The following GGT5 variants were observed in gnomAD, a reference collection of about 807,000 sequenced individuals.
GGT5 encodes gamma-glutamyltransferase 5.
GGT5 carries 50 observed loss-of-function variants against 58.1 expected under a neutral mutation model. The observed-to-expected ratio is 0.86, with a 90% CI of 0.69 to 1.09. The LOEUF is 1.09. Among genes scored for constraint, GGT5 ranks in the 50% least tolerant of loss-of-function variants. GGT5 has a pLI of 0.00. For missense variants in GGT5, 800 were observed against 789.4 expected, an observed-to-expected ratio of 1.01 and a Z score of -0.16; for synonymous variants, 370 against 346.1, an observed-to-expected ratio of 1.07 and a Z score of -0.77.
chr22:24,239,105 C>T (rs1222078449), intron 1 of GGT5, among the ~76,000 whole-genome samples: 5 of 144,966 alleles, frequency 3.4e-5, no homozygotes, highest in Non-Finnish European at 7.5e-5. Context: ...TTTGGGAGGC[C>T]GAGGCGGGTG....
In GGT5 at chr22:24,225,543, C is replaced by T; in HGVS notation, c.1336+3G>A. 6.2e-7 allele frequency: 1 copy of T among 1,607,182 alleles called. No individual in the cohort carries two copies. On this transcript the variant is annotated splice_donor_region_variant and intron_variant, in intron 9 of 11. Coordinates refer to ENST00000327365, the MANE Select transcript of GGT5 (RefSeq NM_004121.5). ...GACCCCGGGTGGGAAGCTTTGTTCTCACCAGGTGAGGGGGTGGTGCCGGAA... is the reference window on the plus strand; with the variant it reads ...GACCCCGGGTGGGAAGCTTTGTTCTTACCAGGTGAGGGGGTGGTGCCGGAA...
rs562315574 is a variant in GGT5, at chr22:24,225,984, C to T, written c.1229+92G>A. Reference sequence around the variant, plus strand: ...AAAGGGCAAAAGCAAGGTGCTGCCCCGTGGGGACAAGTGAGGGGACATGGG... The same window carrying T: ...AAAGGGCAAAAGCAAGGTGCTGCCCTGTGGGGACAAGTGAGGGGACATGGG... On this transcript the variant is annotated intron_variant, in intron 8 of 11. Transcript: ENST00000327365. 6.5e-5 allele frequency: 59 copies of T among 905,726 alleles called. No homozygotes were observed. In the African/African-American group the frequency reaches 7.2e-4, roughly 11 times the overall value. 56.1% of individuals were successfully genotyped at this position (905,726 alleles called of 1,614,324 possible).
chr22:24,220,054 G>T lies in GGT5; in HGVS notation c.1677C>A (p.Asn559Lys). 6.2e-7 allele frequency: 1 copy of T among 1,614,112 alleles called. No individual in the cohort carries two copies. The highest frequency in any genetic ancestry group is 1.1e-5 in the South Asian group (1 of 91,076). The change falls in exon 12 of 12, where the codon AAC (asparagine) becomes AAA (lysine). Residue 559 changes from asparagine (N) to lysine (K), a missense_variant. Transcript: ENST00000327365. ...CCTCCTGGGACACAGCCTGGACCAC[G>T]TTCAGGAAGAAGGGCCTCTGGGTCT... ...QNQTQRPFFL[N>K]VVQAVSQEGA...
rs546884987 is a variant in GGT5, at chr22:24,237,263, G to C, written c.174-3259C>G. On this transcript the variant is annotated intron_variant, in intron 1 of 11. Transcript: ENST00000327365. ...GGGGATGCCATAATGCCCCACACGT[G>C]GGGTGCAGGTTTCTTACTCTAGGAG... Among the ~76,000 whole-genome samples the C allele has an allele frequency of 2.6e-4, 39 of 152,012 alleles. No homozygotes were observed. In the East Asian group the frequency reaches 7.6e-3, roughly 29 times the overall value.
chr22:24,219,918 G>C lies in GGT5; in HGVS notation c.*52C>G. On this transcript the variant is annotated 3_prime_UTR_variant, in exon 12 of 12. Transcript: ENST00000327365. ...TTGGTCCCCCAGCCATGTCCGGCCT[G>C]GACACAGGACTCATGGTGGGGCCAG... 1 of 1,585,364 alleles carries C rather than the reference G, an allele frequency of 6.3e-7. No homozygotes were observed. Among genetic ancestry groups the C allele is most frequent in the Non-Finnish European group, 8.6e-7 (1 of 1,156,344 alleles).
intron 6 of GGT5, among the ~76,000 whole-genome samples, chr22:24,228,524 C>T (rs1352056871): frequency 6.6e-6 from 1 of 151,146 alleles, no homozygotes; most frequent in East Asian, 2.0e-4. Context: ...GATCTCAGCT[C>T]ACTGCAAGCT....
chr22:24,244,421 C>T, intron 1 of GGT5, 132 bp downstream of exon 1: 1 of 768,618 alleles, frequency 1.3e-6, no homozygotes, highest in Admixed American at 2.2e-5. Flanking sequence ...CACATGCATG[C>T]AATCACACAT....
chr22:24,226,239 T>C lies in GGT5; in HGVS notation c.1066A>G (p.Thr356Ala), dbSNP rs1439411410. The change falls in exon 8 of 12, where the codon ACC (threonine) becomes GCC (alanine). Residue 356 changes from threonine to alanine, a missense_variant. Transcript: ENST00000327365. ...QNASRDLLGE[T>A]LAQLIRQQID... ...TGTTGGCGGATGAGCTGGGCCAGGG[T>C]CTCCCCCAGCAGGTCCCGGGAGGCA... 3.7e-6 allele frequency: 6 copies of C among 1,604,606 alleles called. No homozygotes were observed. The highest frequency in any genetic ancestry group is 5.1e-6 in the Non-Finnish European group (6 of 1,177,992).
chr22:24,239,325 C>T (rs1176825365), intron 1 of GGT5, among the ~76,000 whole-genome samples: 1 of 150,650 alleles, frequency 6.6e-6, no homozygotes, highest in Non-Finnish European at 1.5e-5. Flanking sequence ...GGCGACAGAG[C>T]GAGACTCTGT....
In GGT5 at chr22:24,219,823, G is replaced by T; in HGVS notation, c.*147C>A. Reference sequence around the variant, plus strand: ...TGAGGCTCAGCCTCTCATCTGCCCAGCTGGTCCCCGCCACCTCTTCCACTC... The same window carrying T: ...TGAGGCTCAGCCTCTCATCTGCCCATCTGGTCCCCGCCACCTCTTCCACTC... On this transcript the variant is annotated 3_prime_UTR_variant, in exon 12 of 12. Transcript: ENST00000327365. 1.4e-6 allele frequency: 1 copy of T among 723,548 alleles called. No individual in the cohort carries two copies. The highest frequency in any genetic ancestry group is 2.3e-6 in the Non-Finnish European group (1 of 441,204). 44.8% of individuals were successfully genotyped at this position (723,548 alleles called of 1,614,324 possible).
At chr22:24,220,532 A>G in intron 11 of GGT5, 3 of 458,174 alleles carry the variant, frequency 6.5e-6, no homozygotes, top group Non-Finnish European at 1.3e-5. Context: ...AAGGAGGATC[A>G]CTTGAGGCCA....
intron 1 of GGT5, among the ~76,000 whole-genome samples, chr22:24,240,230 G>A (rs757239670): frequency 6.6e-6 from 1 of 152,040 alleles, no homozygotes; most frequent in Non-Finnish European, 1.5e-5. Context: ...AACTAATAGA[G>A]AAAAAGGAAA....
chr22:24,226,943 T>C (rs989965883), intron 6 of GGT5, among the ~76,000 whole-genome samples, 176 bp from the exon 7 acceptor site: 20 of 67,852 alleles, frequency 2.9e-4, no homozygotes, highest in African/African-American at 1.1e-3. Flanking sequence ...AAGTTAAGGA[T>C]TTTTTTTTTT....
intron 1 of GGT5, among the ~76,000 whole-genome samples, chr22:24,238,044 G>A (rs1486090822): frequency 4.0e-5 from 6 of 150,502 alleles, no homozygotes; most frequent in Admixed American, 2.0e-4. Flanking sequence ...CCTGGCCAAC[G>A]TGGTTAAAAC....
chr22:24,219,656 A>C (rs548694516), downstream of GGT5: 26 of 300,886 alleles, frequency 8.6e-5, 1 homozygote, highest in East Asian at 1.6e-3. Flanking sequence ...CCATGGAATC[A>C]GGCCACAGTC....
Position 24,226,775 on chromosome 22 carries a change from GAGGTTGGGGCAC to G in GGT5, c.902-20_902-9del, listed in dbSNP as rs1408795045. 2 of 1,613,760 alleles carry G rather than the reference GAGGTTGGGGCAC, an allele frequency of 1.2e-6. No homozygotes were observed. Among genetic ancestry groups the G allele is most frequent in the Non-Finnish European group, 1.7e-6 (2 of 1,179,814 alleles). On this transcript the variant is annotated splice_polypyrimidine_tract_variant and intron_variant, in intron 6 of 11. Coordinates refer to ENST00000327365, the MANE Select transcript of GGT5 (RefSeq NM_004121.5). ...CTGTTGAGAAGTTGAACCCTGGAGA[GAGGTTGGGGCAC>G]AGGTTGGTTGGGGTCACCCTATGTA...
chr22:24,226,126 C>A lies in GGT5; in HGVS notation c.1179G>T (p.Val393=), dbSNP rs757809033. The change falls in exon 8 of 12, where the codon GTG becomes GTT. Residue 393 remains valine (V), a synonymous_variant. Coordinates refer to ENST00000327365, the MANE Select transcript of GGT5 (RefSeq NM_004121.5). ...GHGTGTSHVS[V]LGEDGSAVAA... Reference sequence around the variant, plus strand: ...CCACGGCGCTGCCATCCTCCCCCAGCACAGACACATGGGACGTGCCTGTCC... The same window carrying A: ...CCACGGCGCTGCCATCCTCCCCCAGAACAGACACATGGGACGTGCCTGTCC... 1.2e-6 allele frequency: 2 copies of A among 1,610,346 alleles called. No homozygotes were observed. The highest frequency in any genetic ancestry group is 4.5e-5 in the East Asian group (2 of 44,860).
At chr22:24,233,458 G>T in intron 3 of GGT5, 40 bp downstream of exon 3, 2 of 1,169,730 alleles carry the variant, frequency 1.7e-6, no homozygotes, top group Non-Finnish European at 2.5e-6. Flanking sequence ...AGTCCTAGTG[G>T]CCTGGGGGGT....
intron 1 of GGT5, among the ~76,000 whole-genome samples, chr22:24,234,829 A>AAAAAG (rs1257350090): frequency 1.3e-4 from 20 of 152,002 alleles, no homozygotes; most frequent in Non-Finnish European, 2.2e-4. Flanking sequence ...AAAAAGAAAA[A>AAAAAG]AAAAGAAAAG....
Sources: allele counts gnomAD v4.1 joint callset (sites outside exome capture counted in the v4.1 genomes callset), GRCh38; gene constraint gnomAD v4.1.1; transcripts MANE v1.5; gene names NCBI Gene and HGNC (gene_info 2026-07-23, HGNC 2026-07-21).